The following AUTS2 variants were observed in gnomAD, a reference collection of about 807,000 sequenced individuals.
The protein encoded by AUTS2 is activator of transcription and developmental regulator AUTS2.
AUTS2 carries 17 observed loss-of-function variants against 112.4 expected under a neutral mutation model. That is an observed-to-expected ratio of 0.15 (90% CI 0.10 to 0.23). AUTS2 has a LOEUF of 0.23. Among genes scored for constraint, AUTS2 ranks in the 10% least tolerant of loss-of-function variants. The pLI is 1.00. For synonymous variants in AUTS2, 751 were observed against 702.7 expected (o/e 1.07, Z -1.09); for missense variants, 1,510 against 1,701.6 (o/e 0.89, Z 1.98).
chr7:69,706,576 A>G (rs1018014566), intron 1 of AUTS2, among the ~76,000 whole-genome samples: 1 of 152,194 alleles, frequency 6.6e-6, no homozygotes, highest in Non-Finnish European at 1.5e-5. Context: ...AAATTGAATT[A>G]CTTAATTTAC....
At chr7:70,228,312 C>G (rs1351997587) in intron 4 of AUTS2, among the ~76,000 whole-genome samples, 2 of 150,798 alleles carry the variant, frequency 1.3e-5, no homozygotes, top group African/African-American at 4.9e-5. Flanking sequence ...CTTATTTTTG[C>G]ATTTGTATGT....
chr7:69,734,566 A>G (rs930049851), intron 1 of AUTS2, among the ~76,000 whole-genome samples: 2 of 151,812 alleles, frequency 1.3e-5, no homozygotes, highest in African/African-American at 4.8e-5. Flanking sequence ...TGGGCTTTAC[A>G]CATTAGGTTG....
intron 2 of AUTS2, among the ~76,000 whole-genome samples, chr7:69,974,061 T>C (rs1394537324): frequency 2.0e-5 from 3 of 152,014 alleles, no homozygotes; most frequent in Non-Finnish European, 4.4e-5. Context: ...TCTGGAAACG[T>C]CTTTTTTAGA....
At chr7:70,581,570 T>C (rs932545414) in intron 5 of AUTS2, among the ~76,000 whole-genome samples, 3 of 152,152 alleles carry the variant, frequency 2.0e-5, no homozygotes, top group African/African-American at 7.2e-5. Flanking sequence ...TGAGATTCAT[T>C]GGGCTCTTAA....
rs57037063 is a variant in AUTS2, at chr7:70,615,565, CTTGTTGTTGTTGTTGTTG to C, written c.691-82982_691-82965del. On this transcript the variant is annotated intron_variant, in intron 5 of 18. Transcript: ENST00000342771. ...AAAAAAACCTCTAGAAGATTTATGG[CTTGTTGTTGTTGTTGTTG>C]TTGTTGTTGTTGTTGTTGTTGGAAA... Among the ~76,000 whole-genome samples, 30 of 148,590 alleles carry C rather than the reference CTTGTTGTTGTTGTTGTTG, an allele frequency of 2.0e-4. 1 individual carries two copies. The highest frequency in any genetic ancestry group is 4.4e-4 in the South Asian group (2 of 4,576).
intron 2 of AUTS2, among the ~76,000 whole-genome samples, chr7:70,020,976 A>ACTTTT (rs1196479681): frequency 3.5e-4 from 52 of 150,032 alleles, no homozygotes; most frequent in South Asian, 6.4e-4. Flanking sequence ...CAGCCTAGAA[A>ACTTTT]CTTTTCTTTT....
At chr7:69,792,614 A>G (rs995996193) in intron 1 of AUTS2, among the ~76,000 whole-genome samples, 5 of 152,158 alleles carry the variant, frequency 3.3e-5, no homozygotes, top group Admixed American at 2.6e-4. Context: ...CTCTGTGCAC[A>G]TATACTGCCT....
intron 10 of AUTS2, among the ~76,000 whole-genome samples, chr7:70,769,551 G>A (rs1204681014): frequency 6.6e-6 from 1 of 152,174 alleles, no homozygotes; most frequent in Non-Finnish European, 1.5e-5. Context: ...CGGGCGTGGT[G>A]GCGGGCACCT....
intron 4 of AUTS2, among the ~76,000 whole-genome samples, chr7:70,419,723 C>T (rs1002548420): frequency 6.6e-6 from 1 of 152,192 alleles, no homozygotes. Flanking sequence ...TAGAAATTGA[C>T]ATTCCTCCAG....
rs542172479 is a variant in AUTS2, at chr7:69,701,608, T to C, written c.309+101646T>C. Among the ~76,000 whole-genome samples the C allele has an allele frequency of 7.7e-4, 118 of 152,344 alleles. 4 individuals are homozygous for C. The South Asian group carries it at 0.017, about 22-fold the overall frequency. ...GGACATGCATTGTGAAAGGGGGAAC[T>C]GTTAGAACTGGGAGCCATTCGTAAG... On this transcript the variant is annotated intron_variant, in intron 1 of 18. Coordinates refer to ENST00000342771, the MANE Select transcript of AUTS2 (RefSeq NM_015570.4).
intron 1 of AUTS2, among the ~76,000 whole-genome samples, chr7:69,647,471 C>A (rs1795076624): frequency 6.6e-6 from 1 of 152,056 alleles, no homozygotes; most frequent in Non-Finnish European, 1.5e-5. Context: ...CCATCTCAGC[C>A]TCCTTCCTGA....
chr7:69,652,593 G>A (rs555210669), intron 1 of AUTS2, among the ~76,000 whole-genome samples: 2 of 151,928 alleles, frequency 1.3e-5, no homozygotes, highest in Non-Finnish European at 2.9e-5. Context: ...TTCTACAGGT[G>A]CAGTGACCAT....
chr7:69,717,929 C>G (rs930357348), intron 1 of AUTS2, among the ~76,000 whole-genome samples: 1 of 152,182 alleles, frequency 6.6e-6, no homozygotes, highest in South Asian at 2.1e-4. Context: ...GAGAATCTTA[C>G]TGTCCCGGCC....
At chr7:70,123,472 T>G (rs1210101768) in intron 3 of AUTS2, among the ~76,000 whole-genome samples, 1 of 152,058 alleles carries the variant, frequency 6.6e-6, no homozygotes, top group Admixed American at 6.6e-5. Flanking sequence ...TACCCAATAG[T>G]TATCTTTTCT....
chr7:69,860,154 A>C (rs1004295376), intron 1 of AUTS2, among the ~76,000 whole-genome samples: 1 of 151,932 alleles, frequency 6.6e-6, no homozygotes, highest in Non-Finnish European at 1.5e-5. Context: ...CCTTGACCCT[A>C]ACTATCAGGT....
chr7:70,616,806 C>G (rs1804396975), intron 5 of AUTS2, among the ~76,000 whole-genome samples: 1 of 142,066 alleles, frequency 7.0e-6, no homozygotes, highest in Non-Finnish European at 1.5e-5. Context: ...TTAGGCCAAG[C>G]AGTAGGAATT....
intron 2 of AUTS2, among the ~76,000 whole-genome samples, chr7:70,110,535 CAAAT>C (rs1326811940): frequency 7.2e-5 from 11 of 152,192 alleles, no homozygotes; most frequent in Middle Eastern, 3.4e-3. Context: ...AATAAATAAA[CAAAT>C]AAATAAATAA....
chr7:70,781,973 C>G, intron 15 of AUTS2: 1 of 582,308 alleles, frequency 1.7e-6, no homozygotes, highest in Non-Finnish European at 2.9e-6. Flanking sequence ...TCATCTTTCC[C>G]TTACAGGGAT....
At chr7:70,336,751 G>T (rs1348446506) in intron 4 of AUTS2, among the ~76,000 whole-genome samples, 1 of 151,984 alleles carries the variant, frequency 6.6e-6, no homozygotes, top group East Asian at 1.9e-4. Context: ...TTGCAGGGAC[G>T]CTTGGGTTTC....
Sources: gnomAD v4.1 joint callset for allele counts (sites outside exome capture counted in the v4.1 genomes callset) on GRCh38, gnomAD v4.1.1 for gene constraint, MANE v1.5 for transcripts, NCBI Gene and HGNC (gene_info 2026-07-23, HGNC 2026-07-21) for gene names.